EIF3H: variants seen among roughly 807,000 people sequenced by gnomAD.
EIF3H encodes eukaryotic translation initiation factor 3 subunit H.
Under a neutral mutation model 44.2 loss-of-function variants are expected in EIF3H, and 26 were observed. The observed-to-expected ratio is 0.59, with a 90% CI of 0.43 to 0.82. The LOEUF (loss-of-function observed/expected upper bound fraction) is 0.82. Ranked by LOEUF, EIF3H falls within the 40% of genes least tolerant of loss-of-function variation. EIF3H has a pLI of 0.00. For synonymous variants in EIF3H, 166 were observed against 151.9 expected (o/e 1.09, Z -0.68); for missense variants, 359 against 432.8 (o/e 0.83, Z 1.51).
intron 1 of EIF3H, among the ~76,000 whole-genome samples, chr8:116,731,586 T>C (rs544847748): frequency 2.6e-5 from 4 of 152,252 alleles, no homozygotes; most frequent in African/African-American, 7.2e-5. Context: ...AAAGTGAACA[T>C]GTTGTTTATA....
intron 2 of EIF3H, among the ~76,000 whole-genome samples, chr8:116,704,159 T>C (rs1449947046): frequency 6.6e-6 from 1 of 152,226 alleles, no homozygotes; most frequent in Non-Finnish European, 1.5e-5. Context: ...TCCTATAAAG[T>C]GGTTAAGAAC....
chr8:116,696,770 T>C (rs76360412), intron 2 of EIF3H, among the ~76,000 whole-genome samples: 1,913 of 152,326 alleles, frequency 0.013, 42 homozygotes, highest in African/African-American at 0.043. Context: ...CCCTGTATCA[T>C]GCTTAGTCTT....
intron 2 of EIF3H, among the ~76,000 whole-genome samples, chr8:116,708,680 TA>T (rs1234878621): frequency 6.6e-6 from 1 of 152,116 alleles, no homozygotes; most frequent in Non-Finnish European, 1.5e-5. Context: ...CAAAACCACT[TA>T]ATACCAGCTG....
intron 2 of EIF3H, among the ~76,000 whole-genome samples, chr8:116,724,534 T>C (rs527504656): frequency 6.6e-6 from 1 of 151,692 alleles, no homozygotes; most frequent in South Asian, 2.1e-4. Context: ...TGGGAGAAAA[T>C]ACATATTGCA....
chr8:116,752,912 C>G (rs1397047196), intron 1 of EIF3H, among the ~76,000 whole-genome samples: 1 of 151,640 alleles, frequency 6.6e-6, no homozygotes, highest in Non-Finnish European at 1.5e-5. Flanking sequence ...TGTATCTGGG[C>G]AAACGTGGGT....
At chr8:116,752,743 A>AGAGAAG (rs1434709444) in intron 1 of EIF3H, among the ~76,000 whole-genome samples, 5 of 116,838 alleles carry the variant, frequency 4.3e-5, no homozygotes, top group African/African-American at 1.3e-4. Flanking sequence ...AAGAGAAAGA[A>AGAGAAG]AGAAAGAAAG....
chr8:116,649,069 G>GA, intron 5 of EIF3H, 143 bp from the exon 6 acceptor site: 1 of 613,062 alleles, frequency 1.6e-6, no homozygotes, highest in Non-Finnish European at 2.5e-6. Flanking sequence ...AAGAGCAGAG[G>GA]AAAAAATCTG....
chr8:116,668,853 C>A (rs1008567155), intron 2 of EIF3H, among the ~76,000 whole-genome samples: 1 of 152,156 alleles, frequency 6.6e-6, no homozygotes, highest in Non-Finnish European at 1.5e-5. Flanking sequence ...AAACCCTTAC[C>A]ACCATCACCT....
chr8:116,721,731 G>C (rs1392624933), intron 2 of EIF3H, among the ~76,000 whole-genome samples: 3 of 152,252 alleles, frequency 2.0e-5, no homozygotes, highest in Non-Finnish European at 2.9e-5. Context: ...ATCACTTTTG[G>C]AGTTTTAAGA....
chr8:116,725,639 T>C (rs1814822376), intron 2 of EIF3H, among the ~76,000 whole-genome samples: 1 of 152,186 alleles, frequency 6.6e-6, no homozygotes, highest in South Asian at 2.1e-4. Flanking sequence ...GAACTCCATC[T>C]CTTTCTAAAC....
At chr8:116,695,057 C>T (rs1814245072) in intron 2 of EIF3H, among the ~76,000 whole-genome samples, 5 of 150,760 alleles carry the variant, frequency 3.3e-5, no homozygotes, top group Admixed American at 3.3e-4. Context: ...CTAAGGTAAA[C>T]TTCCTAATTC....
chr8:116,682,190 T>A (rs183862439), intron 2 of EIF3H, among the ~76,000 whole-genome samples: 3 of 152,298 alleles, frequency 2.0e-5, no homozygotes, highest in Middle Eastern at 3.4e-3. Context: ...TTGAAGGCTG[T>A]TGATTAAGAA....
At position 116,648,747 on chromosome 8, in the gene EIF3H, C is replaced by T. The variant is rs1371805245; in HGVS notation, c.828+59G>A. 13 of 1,510,728 alleles carry T rather than the reference C, an allele frequency of 8.6e-6. No individual in the cohort carries two copies. The South Asian group carries it at 1.5e-4, about 18-fold the overall frequency. The allele number at this position is 1,510,728 out of a possible 1,614,324, so 93.6% of individuals were successfully genotyped here. ...ATAATTTAGGTCATTTTGAACATGA[C>T]TCTTGAAATACATGAAACTTAGAAA... is the stretch of plus-strand genomic sequence containing the variant. On this transcript the variant is annotated intron_variant, in intron 6 of 7. Coordinates refer to ENST00000521861, the MANE Select transcript of EIF3H (RefSeq NM_003756.3).
chr8:116,743,769 CATATAT>C (rs150883678), intron 1 of EIF3H, among the ~76,000 whole-genome samples: 7 of 96,994 alleles, frequency 7.2e-5, no homozygotes, highest in South Asian at 3.9e-4. Flanking sequence ...AAAATACATA[CATATAT>C]ATATATATAT....
At chr8:116,735,313 TCAAC>T (rs1339120329) in intron 1 of EIF3H, among the ~76,000 whole-genome samples, 4 of 152,168 alleles carry the variant, frequency 2.6e-5, no homozygotes, top group Non-Finnish European at 5.9e-5. Flanking sequence ...CTAAAAAGCT[TCAAC>T]TCTATGAAAA....
At chr8:116,732,850 G>T (rs1814974124) in intron 1 of EIF3H, among the ~76,000 whole-genome samples, 1 of 152,190 alleles carries the variant, frequency 6.6e-6, no homozygotes, top group African/African-American at 2.4e-5. Flanking sequence ...GCTGACACCA[G>T]ATGTGTGGGT....
intron 2 of EIF3H, among the ~76,000 whole-genome samples, chr8:116,716,952 G>A (rs566129817): frequency 1.8e-4 from 28 of 152,018 alleles, no homozygotes; most frequent in Admixed American, 1.1e-3. Context: ...TTACCTCCCC[G>A]AGGTGGATGG....
At chr8:116,653,838 T>G (rs1813438596) in intron 5 of EIF3H, among the ~76,000 whole-genome samples, 1 of 152,114 alleles carries the variant, frequency 6.6e-6, no homozygotes, top group Non-Finnish European at 1.5e-5. Context: ...CAAAAGCAAA[T>G]ACAGTATGTT....
At position 116,642,568 on chromosome 8, in the gene EIF3H, T is replaced by C. The variant is rs1023925506; in HGVS notation, c.*2438A>G. On this transcript the variant is annotated 3_prime_UTR_variant, in exon 8 of 8. Coordinates refer to ENST00000521861, the MANE Select transcript of EIF3H (RefSeq NM_003756.3). The stretch of plus-strand genomic sequence containing the variant: ...TGTCAAATATCTTCTACTTTCTTGG[T>C]TTTTTAACATTCGATTTTTTCATTA... The C allele has an allele frequency of 1.3e-5, 2 of 152,212 alleles. No individual in the cohort carries two copies. Among genetic ancestry groups the C allele is most frequent in the Non-Finnish European group, 2.9e-5 (2 of 68,030 alleles). The allele number at this position is 152,212 out of a possible 1,614,324, so 9.4% of individuals were successfully genotyped here.
Sources: allele counts gnomAD v4.1 joint callset (sites outside exome capture counted in the v4.1 genomes callset), GRCh38; gene constraint gnomAD v4.1.1; transcripts MANE v1.5; gene names NCBI Gene and HGNC (gene_info 2026-07-23, HGNC 2026-07-21).